The following KAZN variants were observed in gnomAD, a reference collection of about 807,000 sequenced individuals.
KAZN encodes the protein kazrin, periplakin interacting protein.
Under a neutral mutation model 87.4 loss-of-function variants are expected in KAZN, and 40 were observed. The observed-to-expected ratio is 0.46, with a 90% CI of 0.36 to 0.60. The LOEUF (loss-of-function observed/expected upper bound fraction) is 0.60. Ranked by LOEUF, KAZN falls within the 20% of genes least tolerant of loss-of-function variation. The probability of loss-of-function intolerance (pLI) is 0.00; values close to 1 mark genes in which losing one functional copy is unlikely to be tolerated. For synonymous variants in KAZN, 466 were observed against 458.3 expected (o/e 1.02, Z -0.22); for missense variants, 898 against 1,073.9 (o/e 0.84, Z 2.29).
intron 1 of KAZN, among the ~76,000 whole-genome samples, chr1:13,968,655 C>G (rs1467700991): frequency 6.6e-6 from 1 of 152,222 alleles, no homozygotes; most frequent in Non-Finnish European, 1.5e-5. Flanking sequence ...GATCCTTTCA[C>G]GTGACCTTTC....
rs556640919 is a variant in KAZN at position 14,732,982 on chromosome 1, G to A, written c.226+133759G>A. 4.6e-5 allele frequency among the ~76,000 whole-genome samples: 7 copies of A among 152,138 alleles called. No individual in the cohort carries two copies. In the East Asian group the frequency reaches 1.2e-3, roughly 25 times the overall value. ...TCTTCCCTCCTTCCCCTATGTTCAC[G>A]GAGCAAGCAGAAGAGTTTGCTGCAT... On this transcript the variant is annotated intron_variant, in intron 1 of 14. Coordinates refer to ENST00000376030, the MANE Select transcript of KAZN (RefSeq NM_201628.3).
At chr1:14,032,267 T>C (rs1489924900) in intron 1 of KAZN, among the ~76,000 whole-genome samples, 1 of 152,218 alleles carries the variant, frequency 6.6e-6, no homozygotes, top group Non-Finnish European at 1.5e-5. Flanking sequence ...ATTAACAAAC[T>C]TAACTTTGAC....
intron 1 of KAZN, among the ~76,000 whole-genome samples, chr1:14,055,632 G>A (rs55986908): frequency 0.17 from 26,005 of 151,994 alleles, 2,561 homozygotes; most frequent in Non-Finnish European, 0.23. Flanking sequence ...ATCAGACAGG[G>A]GTTCAGCTAA....
At chr1:15,101,443 T>C (rs1243572864) in intron 10 of KAZN, 100 bp from the exon 11 acceptor site, 2 of 774,196 alleles carry the variant, frequency 2.6e-6, no homozygotes, top group South Asian at 1.7e-5. Context: ...CCCAACCCCA[T>C]TGCTTTTCCT....
chr1:13,954,194 A>G (rs1641457657), intron 1 of KAZN, among the ~76,000 whole-genome samples: 1 of 152,166 alleles, frequency 6.6e-6, no homozygotes, highest in Admixed American at 6.5e-5. Flanking sequence ...ACAGAATGAG[A>G]CTCTGTCTCA....
At chr1:15,058,056 TC>T (rs1638460581) in intron 5 of KAZN, among the ~76,000 whole-genome samples, 1 of 152,196 alleles carries the variant, frequency 6.6e-6, no homozygotes, top group Non-Finnish European at 1.5e-5. Context: ...CCGTGCTCTC[TC>T]CCCTGTGTCC....
chr1:15,102,844 G>A (rs1161071249), intron 11 of KAZN, among the ~76,000 whole-genome samples: 1 of 152,258 alleles, frequency 6.6e-6, no homozygotes, highest in Non-Finnish European at 1.5e-5. Context: ...GTGGAGCGAG[G>A]ACAGCAGCAG....
At chr1:14,567,238 G>A (rs934362426) in intron 2 of KAZN, among the ~76,000 whole-genome samples, 1 of 152,162 alleles carries the variant, frequency 6.6e-6, no homozygotes, top group Non-Finnish European at 1.5e-5. Context: ...GAGGCCCTAG[G>A]AGAGGGAAAG....
chr1:15,065,063 ACT>A (rs1639121345), intron 7 of KAZN, among the ~76,000 whole-genome samples: 2 of 111,194 alleles, frequency 1.8e-5, no homozygotes, highest in Non-Finnish European at 3.3e-5. Context: ...ACGGAGTCTC[ACT>A]CTGTCGCCCA....
At chr1:14,214,089 G>A (rs1646909720) in intron 2 of KAZN, among the ~76,000 whole-genome samples, 2 of 152,128 alleles carry the variant, frequency 1.3e-5, no homozygotes, top group Admixed American at 6.5e-5. Flanking sequence ...ATAGGAAAAT[G>A]GATATGCAAG....
intron 2 of KAZN, among the ~76,000 whole-genome samples, chr1:14,198,886 A>G (rs949412535): frequency 2.6e-5 from 4 of 152,162 alleles, no homozygotes; most frequent in Non-Finnish European, 5.9e-5. Context: ...GAGGTCACCC[A>G]GCCAGTAGGT....
rs114491625 is a variant in KAZN at position 13,963,344 on chromosome 1, G to A, written c.91+69588G>A. 3.0e-3 allele frequency among the ~76,000 whole-genome samples: 458 copies of A among 152,282 alleles called. 1 individual carries two copies. The highest frequency in any genetic ancestry group is 0.01 in the African/African-American group (432 of 41,544). ...TTTTCTATTTTTCCTTTATTTTCTAGAACATTCAGCTCCATTTGGGGACGG... is the reference window on the plus strand; with the variant it reads ...TTTTCTATTTTTCCTTTATTTTCTAAAACATTCAGCTCCATTTGGGGACGG... On this transcript the variant is annotated intron_variant, in intron 1 of 16. Transcript: ENST00000636203.
chr1:14,546,446 AT>A (rs1673150577), intron 2 of KAZN, among the ~76,000 whole-genome samples: 1 of 151,580 alleles, frequency 6.6e-6, no homozygotes, highest in African/African-American at 2.4e-5. Flanking sequence ...TTTTTTTTCC[AT>A]CCTTTATGGG....
chr1:14,850,500 G>A (rs1251646567), intron 1 of KAZN, among the ~76,000 whole-genome samples: 1 of 152,162 alleles, frequency 6.6e-6, no homozygotes, highest in African/African-American at 2.4e-5. Flanking sequence ...GGCTTAGAGA[G>A]GTTAAGCAAC....
chr1:14,822,653 G>T (rs1287773808), intron 1 of KAZN, among the ~76,000 whole-genome samples: 1 of 152,230 alleles, frequency 6.6e-6, no homozygotes, highest in Non-Finnish European at 1.5e-5. Context: ...AATGAGAAAA[G>T]TATGTTTTCC....
intron 1 of KAZN, among the ~76,000 whole-genome samples, chr1:13,898,470 C>T (rs1056184345): frequency 3.3e-5 from 5 of 152,210 alleles, no homozygotes; most frequent in African/African-American, 1.2e-4. Context: ...TTCATGTGGG[C>T]AGAAAGCATT....
intron 1 of KAZN, among the ~76,000 whole-genome samples, chr1:14,638,682 A>T (rs890071136): frequency 6.6e-6 from 1 of 151,804 alleles, no homozygotes. Context: ...CAGCAGGGAG[A>T]TGGGCCTCTC....
intron 2 of KAZN, among the ~76,000 whole-genome samples, chr1:14,486,262 G>T (rs536451868): frequency 6.6e-5 from 10 of 152,276 alleles, no homozygotes; most frequent in African/African-American, 2.4e-4. Flanking sequence ...ATCCAGGTTT[G>T]ACTTGGATGA....
intron 2 of KAZN, among the ~76,000 whole-genome samples, chr1:14,238,783 C>CA (rs2100568736): frequency 6.6e-6 from 1 of 152,098 alleles, no homozygotes; most frequent in African/African-American, 2.4e-5. Context: ...TCAGTAGAGC[C>CA]ACGGCATCAC....
Sources: allele counts gnomAD v4.1 joint callset (sites outside exome capture counted in the v4.1 genomes callset), GRCh38; gene constraint gnomAD v4.1.1; transcripts MANE v1.5; gene names NCBI Gene and HGNC (gene_info 2026-07-23, HGNC 2026-07-21).